The following VIPR1 variants were observed in gnomAD, a reference collection of about 807,000 sequenced individuals.
VIPR1 encodes the protein vasoactive intestinal peptide receptor 1, also known as vasoactive intestinal polypeptide receptor 1.
A neutral mutation model predicts 58.8 loss-of-function variants in VIPR1; 59 were observed. The observed-to-expected ratio is 1.00, with a 90% CI of 0.81 to 1.25. The LOEUF is 1.25. Among genes scored for constraint, VIPR1 ranks in the 50% most tolerant of loss-of-function variants. The probability of loss-of-function intolerance (pLI) is 0.00; values close to 1 mark genes in which losing one functional copy is unlikely to be tolerated. For missense variants in VIPR1, 626 were observed against 602.7 expected (o/e 1.04, Z -0.40); for synonymous variants, 251 against 242.1 (o/e 1.04, Z -0.34).
chr3:42,493,558 C>G (rs1200248291), intron 1 of VIPR1, among the ~76,000 whole-genome samples: 1 of 152,266 alleles, frequency 6.6e-6, no homozygotes, highest in African/African-American at 2.4e-5. Flanking sequence ...GCTGGGCTTC[C>G]CCAACCTAAC....
rs746893320 is a variant in VIPR1, at chr3:42,506,417, C to T, written c.78+3604C>T. On this transcript the variant is annotated intron_variant, in intron 1 of 12. Transcript: ENST00000325123. ...CCTTTCTTAAATCCTTCTGTTCAAC[C>T]CCCAGATTCTGCCTTCCCCTCTCTG... 3.3e-5 allele frequency: 5 copies of T among 152,474 alleles called. No homozygotes were observed. The Middle Eastern group carries it at 0.014, about 415-fold the overall frequency. 9.4% of individuals were successfully genotyped at this position (152,474 alleles called of 1,614,324 possible).
chr3:42,531,765 AG>A (rs1559497064), intron 8 of VIPR1, 37 bp from the exon 9 acceptor site: 1 of 1,613,484 alleles, frequency 6.2e-7, no homozygotes, highest in South Asian at 1.1e-5. Flanking sequence ...TCTCTGGCTG[AG>A]GACAATCCCT....
At chr3:42,492,943 G>A (rs1322071974) in intron 1 of VIPR1, among the ~76,000 whole-genome samples, 1 of 152,230 alleles carries the variant, frequency 6.6e-6, no homozygotes, top group Non-Finnish European at 1.5e-5. Context: ...GTGGGTCTTG[G>A]CAGAACCAGC....
At chr3:42,534,770 G>T (rs745699935) in intron 10 of VIPR1, 12 of 574,050 alleles carry the variant, frequency 2.1e-5, no homozygotes, top group African/African-American at 3.8e-5. Flanking sequence ...CAGGCCAGGA[G>T]GGCTGGGGGC....
intron 1 of VIPR1, among the ~76,000 whole-genome samples, chr3:42,508,589 C>T (rs192652103): frequency 5.6e-4 from 85 of 152,338 alleles, no homozygotes; most frequent in African/African-American, 2.0e-3. Context: ...TCCCATCACC[C>T]TAGCAGGCTG....
intron 3 of VIPR1, 45 bp from the exon 4 acceptor site, chr3:42,525,842 T>A: frequency 6.5e-7 from 1 of 1,539,238 alleles, no homozygotes; most frequent in Non-Finnish European, 8.8e-7. Flanking sequence ...CAGGTCCCCA[T>A]GCTCCCGGCC....
At chr3:42,532,185 C>T (rs1445039680) in intron 9 of VIPR1, 57 bp from the exon 10 acceptor site, 2 of 1,529,906 alleles carry the variant, frequency 1.3e-6, no homozygotes, top group Non-Finnish European at 9.1e-7. Context: ...AGTCAAGGGG[C>T]CTGAACACCT....
intron 3 of VIPR1, among the ~76,000 whole-genome samples, chr3:42,520,988 C>T (rs907009734): frequency 2.0e-5 from 3 of 152,148 alleles, no homozygotes; most frequent in African/African-American, 7.2e-5. Flanking sequence ...GTTCCTCTGG[C>T]AGGTTTCACA....
intron 1 of VIPR1, among the ~76,000 whole-genome samples, chr3:42,495,271 A>C (rs758514621): frequency 2.0e-5 from 3 of 150,922 alleles, no homozygotes; most frequent in African/African-American, 4.9e-5. Flanking sequence ...ATAGGCGCCC[A>C]CCACCACTCC....
intron 3 of VIPR1, among the ~76,000 whole-genome samples, chr3:42,522,942 G>T (rs1012903604): frequency 1.3e-5 from 2 of 152,186 alleles, no homozygotes; most frequent in African/African-American, 4.8e-5. Flanking sequence ...CACCCTTCTG[G>T]TCGTCATGGC....
Position 42,536,434 on chromosome 3 carries a change from C to G in VIPR1, c.*153C>G, listed in dbSNP as rs1232312195. ...CCCCTGGTCTCTGGTCCGGACACTC[C>G]TAGAGAACGCAGCCCTAGAGCCTGC... On this transcript the variant is annotated 3_prime_UTR_variant, in exon 13 of 13. Transcript: ENST00000325123. The G allele has an allele frequency of 3.9e-6, 3 of 763,738 alleles. No individual in the cohort carries two copies. Among genetic ancestry groups the G allele is most frequent in the Non-Finnish European group, 5.9e-6 (3 of 506,640 alleles). 47.3% of individuals were successfully genotyped at this position (763,738 alleles called of 1,614,324 possible). A position where few individuals can be genotyped will look rare whatever the true frequency, so the allele number is the denominator to read the frequency against.
At chr3:42,531,233 A>G (rs941747078) in intron 7 of VIPR1, 37 of 613,428 alleles carry the variant, frequency 6.0e-5, no homozygotes, top group Non-Finnish European at 1.0e-4. Context: ...GGCCTCTGTC[A>G]CAATTAGAAA....
chr3:42,523,620 C>CACACAT (rs1468312002), intron 3 of VIPR1, among the ~76,000 whole-genome samples: 1 of 147,032 alleles, frequency 6.8e-6, no homozygotes, highest in East Asian at 1.9e-4. Flanking sequence ...CACACACACA[C>CACACAT]ACACACACAC....
intron 5 of VIPR1, 107 bp downstream of exon 5, chr3:42,527,603 C>T (rs2125669893): frequency 9.4e-7 from 1 of 1,064,304 alleles, no homozygotes; most frequent in Admixed American, 1.9e-5. Context: ...CACTGTTGCC[C>T]CCCAGCAGCA....
chr3:42,523,925 C>A (rs1289078301), intron 3 of VIPR1, among the ~76,000 whole-genome samples: 1 of 152,110 alleles, frequency 6.6e-6, no homozygotes, highest in Non-Finnish European at 1.5e-5. Flanking sequence ...TCAAGCGATT[C>A]TCCTGCCTCA....
At chr3:42,510,343 C>A (rs1376293467) in intron 1 of VIPR1, among the ~76,000 whole-genome samples, 1 of 152,216 alleles carries the variant, frequency 6.6e-6, no homozygotes, top group Non-Finnish European at 1.5e-5. Context: ...CACCCTGGAA[C>A]ACTTCCCTGA....
Position 42,506,082 on chromosome 3 carries a change from T to A in VIPR1, c.78+3269T>A, listed in dbSNP as rs527598950. The stretch of plus-strand genomic sequence containing the variant: ...AGCCCTGTGCAAACTTATACAGCTA[T>A]TTCTGGCCCCCATCTTCCCACAGGT... On this transcript the variant is annotated intron_variant, in intron 1 of 12. Transcript: ENST00000325123. Among the ~76,000 whole-genome samples, 7 of 152,334 alleles carry A rather than the reference T, an allele frequency of 4.6e-5. No individual in the cohort carries two copies. The East Asian group carries it at 1.3e-3, about 29-fold the overall frequency.
At chr3:42,518,596 G>A (rs1027368392) in intron 2 of VIPR1, among the ~76,000 whole-genome samples, 5 of 152,112 alleles carry the variant, frequency 3.3e-5, no homozygotes, top group African/African-American at 1.2e-4. Context: ...AAAATTAGCC[G>A]GGCGTGGCGG....
intron 1 of VIPR1, among the ~76,000 whole-genome samples, chr3:42,497,637 T>C (rs2125625412): frequency 6.6e-6 from 1 of 152,304 alleles, no homozygotes; most frequent in South Asian, 2.1e-4. Context: ...GCTCTCATAA[T>C]TCCCATGTGT....
Sources: gnomAD v4.1 joint callset for allele counts (sites outside exome capture counted in the v4.1 genomes callset) on GRCh38, gnomAD v4.1.1 for gene constraint, MANE v1.5 for transcripts, NCBI Gene and HGNC (gene_info 2026-07-23, HGNC 2026-07-21) for gene names.